Variants in SEC31A observed in about 807,000 individuals in gnomAD.
The protein encoded by SEC31A is protein transport protein Sec31A.
A neutral mutation model predicts 151.0 loss-of-function variants in SEC31A; 70 were observed. That is an observed-to-expected ratio of 0.46 (90% CI 0.38 to 0.57). SEC31A has a LOEUF of 0.57. SEC31A is among the 20% of genes least tolerant of loss of function. The pLI, the probability that SEC31A is intolerant of heterozygous loss-of-function variation, is 0.00. For synonymous variants in SEC31A, 475 were observed against 505.9 expected, an observed-to-expected ratio of 0.94 and a Z score of 0.82; for missense variants, 1,330 against 1,471.2, an observed-to-expected ratio of 0.90 and a Z score of 1.57.
intron 25 of SEC31A, among the ~76,000 whole-genome samples, chr4:82,822,390 GAAAC>G (rs1471559395): frequency 6.6e-6 from 1 of 152,138 alleles, no homozygotes; most frequent in African/African-American, 2.4e-5. Context: ...AACTTGGGAG[GAAAC>G]AAACAATGCA....
chr4:82,862,313 G>A (rs947442640), intron 13 of SEC31A, among the ~76,000 whole-genome samples: 4 of 149,156 alleles, frequency 2.7e-5, no homozygotes, highest in African/African-American at 5.0e-5. Flanking sequence ...TGTTTTTCCT[G>A]CTTTACAAAA....
At chr4:82,878,184 G>A (rs554133929) in intron 4 of SEC31A, among the ~76,000 whole-genome samples, 16 of 152,034 alleles carry the variant, frequency 1.1e-4, no homozygotes, top group Admixed American at 7.2e-4. Context: ...ATCAAATGGC[G>A]TGACATCTTC....
intron 14 of SEC31A, among the ~76,000 whole-genome samples, chr4:82,859,241 G>A (rs1027240549): frequency 1.3e-5 from 2 of 152,058 alleles, no homozygotes; most frequent in Non-Finnish European, 2.9e-5. Context: ...AGTCATACCT[G>A]GAACAGTGGG....
chr4:82,867,549 T>C (rs1735672382), intron 8 of SEC31A, among the ~76,000 whole-genome samples: 1 of 152,232 alleles, frequency 6.6e-6, no homozygotes, highest in South Asian at 2.1e-4. Context: ...CAGATTTGAA[T>C]AAACGCATTT....
intron 8 of SEC31A, among the ~76,000 whole-genome samples, chr4:82,869,842 C>T (rs1042546909): frequency 1.3e-5 from 2 of 152,034 alleles, no homozygotes; most frequent in Non-Finnish European, 2.9e-5. Flanking sequence ...CAATCATCTA[C>T]CTTCACATAA....
chr4:82,822,026 T>C (rs1199075150), intron 25 of SEC31A, among the ~76,000 whole-genome samples: 1 of 152,186 alleles, frequency 6.6e-6, no homozygotes, highest in African/African-American at 2.4e-5. Flanking sequence ...AAAAGCTTTT[T>C]TTTCTCTCTA....
intron 7 of SEC31A, chr4:82,871,218 T>C (rs1176836737): frequency 6.8e-6 from 7 of 1,030,544 alleles, no homozygotes; most frequent in African/African-American, 1.6e-5. Context: ...CTTCTTACCA[T>C]TATATGGTAT....
At chr4:82,884,163 A>G (rs1179922437) in intron 1 of SEC31A, among the ~76,000 whole-genome samples, 1 of 151,358 alleles carries the variant, frequency 6.6e-6, no homozygotes, top group Non-Finnish European at 1.5e-5. Context: ...ATTTTTTTGT[A>G]TTTTTAGTAG....
intron 10 of SEC31A, among the ~76,000 whole-genome samples, chr4:82,866,013 G>A (rs1251837714): frequency 1.3e-5 from 2 of 149,424 alleles, no homozygotes; most frequent in Admixed American, 6.7e-5. Context: ...AAAAAAGCTG[G>A]CAATTAAAAA....
intron 7 of SEC31A, among the ~76,000 whole-genome samples, chr4:82,871,139 T>C (rs1194601046): frequency 6.6e-6 from 1 of 152,218 alleles, no homozygotes; most frequent in Non-Finnish European, 1.5e-5. Flanking sequence ...TGAGCTATGG[T>C]GGCTCTATCC....
Position 82,827,456 on chromosome 4 carries a change from T to C in SEC31A, c.3204A>G (p.Gln1068=), listed in dbSNP as rs1265339054. The change falls in exon 24 of 27, where the codon CAA becomes CAG. Residue 1068 remains glutamine, a synonymous_variant. Transcript: ENST00000395310. ...GTGGCATGCCTGTTTGACCAAGAGG[T>C]TGCTGTACGCCATGGAAGGGCTGGC... The part of the protein sequence containing the change: ...PGGQPFHGVQ[Q]PLGQTGMPPS... 1.2e-6 allele frequency: 2 copies of C among 1,614,142 alleles called. No homozygotes were observed. Among genetic ancestry groups the C allele is most frequent in the Admixed American group, 1.7e-5 (1 of 60,028 alleles).
intron 20 of SEC31A, among the ~76,000 whole-genome samples, chr4:82,848,044 A>G (rs1730627504): frequency 6.6e-6 from 1 of 152,234 alleles, no homozygotes; most frequent in Non-Finnish European, 1.5e-5. Flanking sequence ...CTATTTTAAA[A>G]TAGGCAGAGT....
At chr4:82,845,911 T>C (rs1431537639) in intron 20 of SEC31A, among the ~76,000 whole-genome samples, 2 of 152,170 alleles carry the variant, frequency 1.3e-5, no homozygotes, top group African/African-American at 2.4e-5. Flanking sequence ...TACAACTCAA[T>C]GGTGATTCCA....
chr4:82,827,767 A>C (rs908504858), intron 23 of SEC31A, 135 bp from the exon 24 acceptor site: 4 of 821,130 alleles, frequency 4.9e-6, no homozygotes, highest in Non-Finnish European at 7.7e-6. Context: ...TACTTTTTTC[A>C]AATGAAATTT....
chr4:82,875,282 T>C (rs1737653371), intron 5 of SEC31A, among the ~76,000 whole-genome samples: 1 of 152,190 alleles, frequency 6.6e-6, no homozygotes, highest in South Asian at 2.1e-4. Context: ...AAGACTGTTG[T>C]TACCAAACTT....
intron 25 of SEC31A, among the ~76,000 whole-genome samples, chr4:82,823,764 A>G (rs1296160168): frequency 6.6e-6 from 1 of 152,260 alleles, no homozygotes; most frequent in Non-Finnish European, 1.5e-5. Context: ...AAGCTTTAGA[A>G]GATGATCTAT....
At chr4:82,837,222 A>G (rs1487737799) in intron 22 of SEC31A, among the ~76,000 whole-genome samples, 1 of 138,342 alleles carries the variant, frequency 7.2e-6, no homozygotes, top group Non-Finnish European at 1.6e-5. Context: ...TAAAAACTTT[A>G]ATGCAAGTTT....
chr4:82,853,516 G>C lies in SEC31A; in HGVS notation c.2154+54C>G. 2 of 1,406,746 alleles carry C rather than the reference G, an allele frequency of 1.4e-6. 1 individual carries two copies. The allele number at this position is 1,406,746 out of a possible 1,614,324, so 87.1% of individuals were successfully genotyped here. A position where few individuals can be genotyped will look rare whatever the true frequency, so the allele number is the denominator to read the frequency against. ...CTTATAGATTATAACTTGATGATAA[G>C]TAGGGTGAAAGACAACACTAAAAAT... On this transcript the variant is annotated intron_variant, in intron 18 of 26. Transcript: ENST00000395310.
chr4:82,894,043 G>A (rs1464841310), upstream of SEC31A: 2 of 152,192 alleles, frequency 1.3e-5, no homozygotes, highest in East Asian at 1.9e-4. Flanking sequence ...AGAGGGATGA[G>A]CAGGAACATT....
Sources: allele counts gnomAD v4.1 joint callset (sites outside exome capture counted in the v4.1 genomes callset), GRCh38; gene constraint gnomAD v4.1.1; transcripts MANE v1.5; gene names NCBI Gene and HGNC (gene_info 2026-07-23, HGNC 2026-07-21).